The following NFAT5 variants were observed in gnomAD, a reference collection of about 807,000 sequenced individuals.
NFAT5 encodes nuclear factor of activated T-cells 5.
A neutral mutation model predicts 166.5 loss-of-function variants in NFAT5; 31 were observed. The observed-to-expected ratio is 0.19, with a 90% CI of 0.14 to 0.25. NFAT5 has a LOEUF of 0.25. Ranked by LOEUF, NFAT5 falls within the 10% of genes least tolerant of loss-of-function variation. The pLI is 1.00. For missense variants in NFAT5, 1,449 were observed against 1,821.8 expected (o/e 0.80, Z 3.72); for synonymous variants, 612 against 639.7 (o/e 0.96, Z 0.65).
At chr16:69,682,481 T>C (rs13335149) in intron 10 of NFAT5, among the ~76,000 whole-genome samples, 1 of 149,546 alleles carries the variant, frequency 6.7e-6, no homozygotes, top group African/African-American at 2.5e-5. Context: ...TAAGCTGAGC[T>C]TGGTGGCATG....
In NFAT5 at chr16:69,684,885, A is replaced by T. The variant is rs374351352; in HGVS notation, c.1691-2A>T. The T allele has an allele frequency of 2.1e-5, 33 of 1,593,576 alleles. No homozygotes were observed. Among genetic ancestry groups the T allele is most frequent in the Non-Finnish European group, 2.7e-5 (32 of 1,171,440 alleles). The stretch of plus-strand genomic sequence containing the variant: ...TAAATACATTAATCTTTTTTTTAAT[A>T]GCAGCAGCTGGTGCTTTGAATGTAA... On this transcript the variant is annotated splice_acceptor_variant, in intron 10 of 14. Coordinates refer to ENST00000349945, the MANE Select transcript of NFAT5 (RefSeq NM_138713.4). LOFTEE classifies it high-confidence loss of function.
chr16:69,587,450 G>A (rs558554870), intron 2 of NFAT5, among the ~76,000 whole-genome samples: 1 of 151,954 alleles, frequency 6.6e-6, no homozygotes, highest in Admixed American at 6.6e-5. Context: ...GTGCAGTGGT[G>A]TGATCTCGGC....
rs1435568268 is a variant in NFAT5, at chr16:69,566,703, C to G, written c.73+329C>G. Among the ~76,000 whole-genome samples the G allele has an allele frequency of 3.9e-5, 6 of 152,092 alleles. No individual in the cohort carries two copies. The highest frequency in any genetic ancestry group is 7.4e-5 in the Non-Finnish European group (5 of 67,976). On this transcript the variant is annotated intron_variant, in intron 1 of 14. Coordinates refer to ENST00000349945, the MANE Select transcript of NFAT5 (RefSeq NM_138713.4). This position sits in a 1 kb window ranked among gnomAD's most constrained non-coding sequence, Gnocchi z 5.7. The stretch of plus-strand genomic sequence containing the variant: ...CTCCGCGAGCCGCCGGCCCCGGCCT[C>G]CCGGGCTCGGGGATGGCCCCAGACT...
At chr16:69,652,767 C>T (rs1472133983) in intron 4 of NFAT5, among the ~76,000 whole-genome samples, 2 of 85,818 alleles carry the variant, frequency 2.3e-5, no homozygotes, top group African/African-American at 1.2e-4. Flanking sequence ...GTTTTCGCTA[C>T]CCTCACTTCT....
intron 3 of NFAT5, among the ~76,000 whole-genome samples, chr16:69,637,522 A>G (rs542091236): frequency 6.6e-6 from 1 of 152,328 alleles, no homozygotes; most frequent in East Asian, 1.9e-4. Context: ...CCTCAGAATC[A>G]TGGTGGGAGG....
At chr16:69,616,866 C>T (rs889105573) in intron 2 of NFAT5, among the ~76,000 whole-genome samples, 1 of 151,876 alleles carries the variant, frequency 6.6e-6, no homozygotes, top group Non-Finnish European at 1.5e-5. Context: ...GTATCCTTCC[C>T]CCTCCCCTCT....
intron 3 of NFAT5, among the ~76,000 whole-genome samples, chr16:69,643,347 C>A (rs1238542819): frequency 6.6e-6 from 1 of 151,884 alleles, no homozygotes; most frequent in African/African-American, 2.4e-5. Context: ...GATTTGTCAG[C>A]ACTTTTCTGG....
At chr16:69,655,546 A>G (rs2035843028) in intron 5 of NFAT5, 63 bp from the exon 6 acceptor site, 2 of 1,303,856 alleles carry the variant, frequency 1.5e-6, no homozygotes, top group East Asian at 5.1e-5. Context: ...TAAATATTTG[A>G]TTTTATAATT....
intron 2 of NFAT5, among the ~76,000 whole-genome samples, chr16:69,581,743 T>A (rs2031706241): frequency 6.6e-6 from 1 of 152,200 alleles, no homozygotes; most frequent in Non-Finnish European, 1.5e-5. Context: ...AATATATCTT[T>A]GGAGAAATGC....
chr16:69,676,319 C>T (rs927411139), intron 9 of NFAT5, among the ~76,000 whole-genome samples: 2 of 152,172 alleles, frequency 1.3e-5, no homozygotes, highest in Non-Finnish European at 2.9e-5. Context: ...CTCTGCCTTT[C>T]TCTTATAAGG....
At position 69,691,003 on chromosome 16, in the gene NFAT5, C is replaced by T; in HGVS notation, c.1838C>T (p.Pro613Leu). 6.2e-7 allele frequency: 1 copy of T among 1,607,440 alleles called. No individual in the cohort carries two copies. Among genetic ancestry groups the T allele is most frequent in the Non-Finnish European group, 8.5e-7 (1 of 1,176,240 alleles). The change falls in exon 12 of 15, where the codon CCA becomes CTA. Residue 613 changes from proline to leucine, a missense_variant. This residue lies in a region of NFAT5 where 245 missense variants were observed against 366.6 expected (regional missense o/e 0.67). Transcript: ENST00000349945. ...VNIIPNALMT[P>L]LIPSSMIKSE... The stretch of plus-strand genomic sequence containing the variant: ...ATTATCCCTAATGCCCTGATGACTC[C>T]ACTCATACCAAGCAGTATGATTAAG...
At chr16:69,676,074 G>A (rs1338713888) in intron 9 of NFAT5, among the ~76,000 whole-genome samples, 1 of 152,144 alleles carries the variant, frequency 6.6e-6, no homozygotes, top group Non-Finnish European at 1.5e-5. Flanking sequence ...CTGAGTCAAC[G>A]AACTATGTAG....
At chr16:69,603,021 A>C (rs1300466644) in intron 2 of NFAT5, among the ~76,000 whole-genome samples, 1 of 152,088 alleles carries the variant, frequency 6.6e-6, no homozygotes, top group African/African-American at 2.4e-5. Flanking sequence ...TATTCAAAGA[A>C]TATTTAATGA....
At chr16:69,658,487 A>G (rs2151642892) in intron 6 of NFAT5, among the ~76,000 whole-genome samples, 1 of 151,886 alleles carries the variant, frequency 6.6e-6, no homozygotes, top group African/African-American at 2.4e-5. Context: ...CTGTCTCAAA[A>G]AAAAAAAAAA....
chr16:69,593,461 C>T (rs1232442669), intron 2 of NFAT5, among the ~76,000 whole-genome samples: 1 of 150,434 alleles, frequency 6.6e-6, no homozygotes, highest in East Asian at 2.0e-4. Context: ...CAGGTGTGCA[C>T]CACCAGGCCC....
chr16:69,595,402 A>T (rs1250475394), intron 2 of NFAT5, among the ~76,000 whole-genome samples: 1 of 152,120 alleles, frequency 6.6e-6, no homozygotes. Flanking sequence ...ATTTTAGGGG[A>T]TCCCTTGTTG....
intron 11 of NFAT5, 107 bp downstream of exon 11, chr16:69,685,077 G>A: frequency 3.9e-6 from 2 of 516,240 alleles, no homozygotes; most frequent in South Asian, 4.0e-5. Context: ...TACTTTGCAG[G>A]GTATCTTCAT....
intron 2 of NFAT5, among the ~76,000 whole-genome samples, chr16:69,579,467 A>T (rs1199901207): frequency 6.6e-6 from 1 of 152,090 alleles, no homozygotes; most frequent in Non-Finnish European, 1.5e-5. Context: ...GCTTTTTTTT[A>T]AAACTAGGTA....
intron 2 of NFAT5, among the ~76,000 whole-genome samples, chr16:69,593,091 C>T (rs1207988502): frequency 1.3e-5 from 2 of 152,088 alleles, no homozygotes; most frequent in Non-Finnish European, 2.9e-5. Context: ...AGGTTTCCTA[C>T]GTGTTTTGAA....
Sources: gnomAD v4.1 joint callset for allele counts (sites outside exome capture counted in the v4.1 genomes callset) on GRCh38, gnomAD v4.1.1 for gene constraint, gnomAD v4.1.1 regional missense constraint, Gnocchi (gnomAD v3.1) non-coding constraint, MANE v1.5 for transcripts, NCBI Gene and HGNC (gene_info 2026-07-23, HGNC 2026-07-21) for gene names.